RAB38: variants seen among roughly 807,000 people sequenced by gnomAD.
The protein encoded by RAB38 is ras-related protein Rab-38.
RAB38 carries 15 observed loss-of-function variants against 18.4 expected under a neutral mutation model. The ratio of observed to expected loss-of-function variants is 0.82; its 90% CI spans 0.55 to 1.26. The LOEUF is 1.26. RAB38 is among the 50% of genes most tolerant of loss of function. RAB38 has a pLI of 0.00. For synonymous variants in RAB38, 101 were observed against 104.4 expected (o/e 0.97, Z 0.20); for missense variants, 294 against 267.4 (o/e 1.10, Z -0.69).
chr11:87,872,394 A>G, the RAB38 span, among the ~76,000 whole-genome samples: 1 of 151,586 alleles, frequency 6.6e-6, no homozygotes, highest in Middle Eastern at 3.4e-3. Flanking sequence ...CTCCCCCACC[A>G]TCAACATCCT....
At chr11:88,048,872 G>A in the RAB38 span, among the ~76,000 whole-genome samples, 1 of 152,030 alleles carries the variant, frequency 6.6e-6, no homozygotes, top group Non-Finnish European at 1.5e-5. Flanking sequence ...ACCTCCTTAG[G>A]CACTCTGGTT....
the RAB38 span, among the ~76,000 whole-genome samples, chr11:87,969,195 C>T: frequency 6.6e-6 from 1 of 151,990 alleles, no homozygotes; most frequent in South Asian, 2.1e-4. Context: ...GATGTAAGGG[C>T]CTTTTCCAAC....
At chr11:87,855,754 A>T in the RAB38 span, among the ~76,000 whole-genome samples, 1 of 152,164 alleles carries the variant, frequency 6.6e-6, no homozygotes, top group Non-Finnish European at 1.5e-5. Flanking sequence ...AAAATATCCT[A>T]TGCCTTCCAA....
chr11:88,141,669 A>G (rs1458232319), intron 2 of RAB38, among the ~76,000 whole-genome samples: 1 of 152,188 alleles, frequency 6.6e-6, no homozygotes, highest in Non-Finnish European at 1.5e-5. Flanking sequence ...GCTAATGGAC[A>G]TGGTTTGACA....
the RAB38 span, among the ~76,000 whole-genome samples, chr11:88,033,084 C>G: frequency 0.77 from 116,436 of 151,438 alleles, 45,255 homozygotes; most frequent in African/African-American, 0.87. Flanking sequence ...GTAGGGACAT[C>G]GATGAAATTG....
the RAB38 span, among the ~76,000 whole-genome samples, chr11:88,043,084 T>A: frequency 6.6e-6 from 1 of 152,306 alleles, no homozygotes. Flanking sequence ...GTAACAAGTA[T>A]GAGACACACT....
At chr11:87,873,922 G>GTGTGTGTATATATATATATATATATA in the RAB38 span, among the ~76,000 whole-genome samples, 6 of 103,116 alleles carry the variant, frequency 5.8e-5, no homozygotes, top group African/African-American at 1.9e-4. Flanking sequence ...GTGTGTGTGT[G>GTGTGTGTATATATATATATATATATA]TATATATATA....
At chr11:88,101,331 A>G in the RAB38 span, among the ~76,000 whole-genome samples, 3 of 152,014 alleles carry the variant, frequency 2.0e-5, no homozygotes, top group Admixed American at 2.0e-4. Flanking sequence ...TTAATTGAGT[A>G]AACAAACATT....
chr11:88,143,802 G>T (rs1177450084), intron 2 of RAB38, among the ~76,000 whole-genome samples: 1 of 152,172 alleles, frequency 6.6e-6, no homozygotes, highest in East Asian at 1.9e-4. Flanking sequence ...CTGAACTATG[G>T]TTATAGCCTC....
the RAB38 span, among the ~76,000 whole-genome samples, chr11:87,934,092 G>GA: frequency 6.6e-6 from 1 of 152,072 alleles, no homozygotes; most frequent in African/African-American, 2.4e-5. Flanking sequence ...ATTAATCCGT[G>GA]ATTGTCCTGG....
At chr11:87,928,089 C>G in the RAB38 span, among the ~76,000 whole-genome samples, 1 of 151,356 alleles carries the variant, frequency 6.6e-6, no homozygotes, top group Non-Finnish European at 1.5e-5. Context: ...AATAAGAAAA[C>G]AGAAAAGACA....
chr11:88,026,429 G>T, the RAB38 span, among the ~76,000 whole-genome samples: 16 of 151,676 alleles, frequency 1.1e-4, no homozygotes, highest in African/African-American at 3.9e-4. Flanking sequence ...TGGGCGTGGT[G>T]GAGGGCACCT....
At chr11:87,914,608 G>T in the RAB38 span, among the ~76,000 whole-genome samples, 1 of 152,134 alleles carries the variant, frequency 6.6e-6, no homozygotes, top group African/African-American at 2.4e-5. Context: ...ATGAAAAAGT[G>T]TTTTCAGAAG....
the RAB38 span, among the ~76,000 whole-genome samples, chr11:87,954,572 C>T: frequency 6.6e-6 from 1 of 151,930 alleles, no homozygotes; most frequent in Non-Finnish European, 1.5e-5. Context: ...ATTTCTGTGC[C>T]TTATCTGAAC....
the RAB38 span, among the ~76,000 whole-genome samples, chr11:88,013,675 C>T: frequency 5.3e-5 from 8 of 152,074 alleles, no homozygotes; most frequent in Admixed American, 3.3e-4. Context: ...GTGCTAGGAC[C>T]GAGATGGATA....
At chr11:88,012,394 T>G in the RAB38 span, among the ~76,000 whole-genome samples, 1 of 152,080 alleles carries the variant, frequency 6.6e-6, no homozygotes, top group Non-Finnish European at 1.5e-5. Context: ...ACCAGGATTG[T>G]TGGTAAGTAA....
At chr11:87,957,366 T>A in the RAB38 span, among the ~76,000 whole-genome samples, 1 of 150,804 alleles carries the variant, frequency 6.6e-6, no homozygotes, top group Non-Finnish European at 1.5e-5. Context: ...GGGTCACGGA[T>A]GACAGTCCTG....
chr11:87,920,881 T>C, the RAB38 span, among the ~76,000 whole-genome samples: 6 of 152,200 alleles, frequency 3.9e-5, no homozygotes, highest in Admixed American at 1.3e-4. Context: ...CCTTTATCAT[T>C]GTTTTAGTAC....
intron 2 of RAB38, chr11:88,115,684 A>T (rs1243703014): frequency 6.6e-6 from 1 of 152,156 alleles, no homozygotes; most frequent in Non-Finnish European, 1.5e-5. Context: ...TTTTTACCAG[A>T]CCAGTCTTCC....
Sources: gnomAD v4.1 joint callset for allele counts (sites outside exome capture counted in the v4.1 genomes callset) on GRCh38, gnomAD v4.1.1 for gene constraint, MANE v1.5 for transcripts, NCBI Gene and HGNC (gene_info 2026-07-23, HGNC 2026-07-21) for gene names.